Variants in RGPD8 observed in about 807,000 individuals in gnomAD.
RGPD8 encodes RANBP2 like and GRIP domain containing 8.
Under a neutral mutation model 89.1 loss-of-function variants are expected in RGPD8, and 15 were observed. That is an observed-to-expected ratio of 0.17 (90% CI 0.11 to 0.26). The LOEUF (loss-of-function observed/expected upper bound fraction) is 0.26, where lower values mean the gene tolerates loss of function less well. Among genes scored for constraint, RGPD8 ranks in the 10% least tolerant of loss-of-function variants. RGPD8 has a pLI of 1.00. For synonymous variants in RGPD8, 62 were observed against 420.9 expected (o/e 0.15, Z 10.44); for missense variants, 178 against 1,179.6 (o/e 0.15, Z 12.44).
intron 1 of RGPD8, among the ~76,000 whole-genome samples, chr2:112,429,305 C>T (rs992286283): frequency 1.0e-4 from 15 of 147,368 alleles, no homozygotes; most frequent in Non-Finnish European, 1.8e-4. Context: ...CCTGTAGTCC[C>T]AGCTACAGGC....
chr2:112,431,161 G>A (rs1048808148), intron 1 of RGPD8, among the ~76,000 whole-genome samples: 1 of 152,172 alleles, frequency 6.6e-6, no homozygotes, highest in Non-Finnish European at 1.5e-5. Flanking sequence ...GGGAGACTGA[G>A]GTGGGAGGAT....
chr2:112,432,740 C>G (rs1051801371), intron 1 of RGPD8: 5 of 985,166 alleles, frequency 5.1e-6, no homozygotes, highest in Non-Finnish European at 6.0e-6. Flanking sequence ...CGGGCCAGGG[C>G]GAGCCCACGA....
At chr2:112,433,287 A>T (rs987581943) in intron 1 of RGPD8, 95 bp downstream of exon 1, 2 of 1,351,700 alleles carry the variant, frequency 1.5e-6, no homozygotes, top group Non-Finnish European at 1.9e-6. Context: ...GTCGGGAGCC[A>T]TGACCCCTGA....
chr2:112,410,831 A>G (rs1477737409), intron 7 of RGPD8, among the ~76,000 whole-genome samples: 1 of 152,282 alleles, frequency 6.6e-6, no homozygotes, highest in African/African-American at 2.4e-5. Flanking sequence ...ACTGCCTGTA[A>G]TCCCAGCACT....
intron 1 of RGPD8, among the ~76,000 whole-genome samples, chr2:112,429,860 T>C (rs1574028345): frequency 6.6e-6 from 1 of 152,044 alleles, no homozygotes; most frequent in Admixed American, 6.6e-5. Flanking sequence ...CAGGCTGGAG[T>C]GCAGTGGCGC....
At chr2:112,431,165 G>C (rs887506765) in intron 1 of RGPD8, among the ~76,000 whole-genome samples, 29 of 152,290 alleles carry the variant, frequency 1.9e-4, no homozygotes, top group Admixed American at 6.5e-5. Context: ...GACTGAGGTG[G>C]GAGGATCGCT....
chr2:112,416,088 C>CA (rs1168507298), intron 6 of RGPD8, among the ~76,000 whole-genome samples: 5,281 of 88,834 alleles, frequency 0.059, 64 homozygotes, highest in Non-Finnish European at 0.068. Context: ...GACTCCATCT[C>CA]AAAAAAAAAA....
Position 112,429,434 on chromosome 2 carries a change from A to AG in RGPD8, c.72+3947_72+3948insC, listed in dbSNP as rs1301068218. On this transcript the variant is annotated intron_variant, in intron 1 of 22. Transcript: ENST00000302558. ...CCGTCTCAAAAAAAAAAAAAAAAAA[A>AG]AAAGAAAAGAAAAGAAAATGTCTAA... 1.8e-4 allele frequency among the ~76,000 whole-genome samples: 27 copies of AG among 146,984 alleles called. 1 individual carries two copies. In the South Asian group the frequency reaches 4.9e-3, roughly 27 times the overall value.
At chr2:112,374,755 C>T (rs1432267292) in intron 22 of RGPD8, among the ~76,000 whole-genome samples, 7 of 136,456 alleles carry the variant, frequency 5.1e-5, no homozygotes, top group African/African-American at 7.8e-5. Context: ...TTTAGAACTT[C>T]GATTAGTAAA....
intron 1 of RGPD8, among the ~76,000 whole-genome samples, chr2:112,430,431 T>C (rs889936795): frequency 6.8e-6 from 1 of 148,104 alleles, no homozygotes; most frequent in African/African-American, 2.6e-5. Flanking sequence ...GGTTCTAATG[T>C]AAATGACTTT....
rs1678637442 is a variant in RGPD8, at chr2:112,390,096, T to C, written c.2849A>G (p.Asp950Gly). The change falls in exon 20 of 23, where the codon GAT (aspartate) becomes GGT (glycine). Residue 950 changes from aspartate (D) to glycine (G), a missense_variant. Coordinates refer to ENST00000302558, the MANE Select transcript of RGPD8 (RefSeq NM_001164463.1). ...LENDTGLQAQ[D>G]IRGRKKGRGV... The stretch of plus-strand genomic sequence containing the variant: ...ACGGCCCTTCTTCCGGCCCCTAATA[T>C]CCTGAGCCTGTAAGCCAGTATCATT... 1 of 1,601,694 alleles carries C rather than the reference T, an allele frequency of 6.2e-7. No individual in the cohort carries two copies. Among genetic ancestry groups the C allele is most frequent in the African/African-American group, 1.4e-5 (1 of 73,292 alleles).
At chr2:112,423,757 C>T (rs1281674975) in intron 2 of RGPD8, among the ~76,000 whole-genome samples, 1 of 152,050 alleles carries the variant, frequency 6.6e-6, no homozygotes, top group Non-Finnish European at 1.5e-5. Context: ...TTAATCCACT[C>T]CCAGCCAGGA....
At chr2:112,377,780 C>T (rs1573990005) in intron 22 of RGPD8, among the ~76,000 whole-genome samples, 1 of 141,404 alleles carries the variant, frequency 7.1e-6, no homozygotes, top group East Asian at 2.0e-4. Context: ...CACCAGAACT[C>T]AACACCAGGA....
intron 1 of RGPD8, among the ~76,000 whole-genome samples, chr2:112,429,280 G>T (rs193092029): frequency 0.011 from 1,666 of 151,666 alleles, 28 homozygotes; most frequent in African/African-American, 0.038. Flanking sequence ...AATTAGCCGA[G>T]TGTTGTGGCG....
Position 112,388,551 on chromosome 2 carries a change from G to GT in RGPD8, c.4393dup (p.Thr1465AsnfsTer46). 1.3e-6 allele frequency: 2 copies of GT among 1,514,748 alleles called. No homozygotes were observed. The highest frequency in any genetic ancestry group is 1.8e-6 in the Non-Finnish European group (2 of 1,131,246). 93.8% of individuals were successfully genotyped at this position (1,514,748 alleles called of 1,614,324 possible). A position where few individuals can be genotyped will look rare whatever the true frequency, so the allele number is the denominator to read the frequency against. ...TATCAAAGAATCTTTTTCCTGGGCT[G>GT]TTTTTGCTTCATCAAAAATTTTCTT... On this transcript the variant is annotated frameshift_variant, in exon 20 of 23. Coordinates refer to ENST00000302558, the MANE Select transcript of RGPD8 (RefSeq NM_001164463.1). LOFTEE classifies it high-confidence loss of function.
intron 1 of RGPD8, among the ~76,000 whole-genome samples, chr2:112,432,954 C>G (rs1341033827): frequency 2.2e-5 from 3 of 139,496 alleles, no homozygotes; most frequent in Non-Finnish European, 4.9e-5. Flanking sequence ...TCGAGGCCGC[C>G]GCCGGGCCGG....
In RGPD8 at chr2:112,433,409, C is replaced by G. The variant is rs758201092; in HGVS notation, c.45G>C (p.Val15=). ...GTCGAGGCGACGGGGTGAGACCCAG[C>G]ACCGAGGCGACGTACCGCTCCACAT... ...KADVERYVAS[V]LGLTPSPRQK... Residue 15 remains valine, a synonymous_variant, in exon 1 of 23, where the codon GTG becomes GTC. Transcript: ENST00000302558. 1 of 1,610,624 alleles carries G rather than the reference C, an allele frequency of 6.2e-7. No individual in the cohort carries two copies. The highest frequency in any genetic ancestry group is 1.1e-5 in the South Asian group (1 of 90,956).
rs1201534312 is a variant in RGPD8 at position 112,377,300 on chromosome 2, T to G, written c.5263+753A>C. 2.3e-5 allele frequency among the ~76,000 whole-genome samples: 2 copies of G among 86,068 alleles called. 1 individual carries two copies. The highest frequency in any genetic ancestry group is 4.6e-5 in the Non-Finnish European group (2 of 43,796). The allele number at this position is 86,068 out of a possible 152,430, so 56.5% of individuals were successfully genotyped here. A position where few individuals can be genotyped will look rare whatever the true frequency, so the allele number is the denominator to read the frequency against. On this transcript the variant is annotated intron_variant, in intron 22 of 22. Coordinates refer to ENST00000302558, the MANE Select transcript of RGPD8 (RefSeq NM_001164463.1). ...TCATAGTTTTTTTTTTTTTTTTTTT[T>G]GAGATGGAGTCTCGCTCTGCCGTCA...
intron 20 of RGPD8, among the ~76,000 whole-genome samples, chr2:112,385,133 T>A: frequency 9.2e-6 from 1 of 108,472 alleles, no homozygotes; most frequent in Admixed American, 1.2e-4. Context: ...TAAGGAAAGT[T>A]AACAATTGCC....
Sources: gnomAD v4.1 joint callset for allele counts (sites outside exome capture counted in the v4.1 genomes callset) on GRCh38, gnomAD v4.1.1 for gene constraint, MANE v1.5 for transcripts, NCBI Gene and HGNC (gene_info 2026-07-23, HGNC 2026-07-21) for gene names.